ESCO1: variants seen among roughly 807,000 people sequenced by gnomAD.
The protein encoded by ESCO1 is N-acetyltransferase ESCO1.
ESCO1 carries 33 observed loss-of-function variants against 83.5 expected under a neutral mutation model. The ratio of observed to expected loss-of-function variants is 0.40; its 90% confidence interval spans 0.30 to 0.53. ESCO1 has a LOEUF of 0.53. ESCO1 is among the 20% of genes least tolerant of loss of function. The pLI is 0.63. For synonymous variants in ESCO1, 332 were observed against 324.3 expected (o/e 1.02, Z -0.25); for missense variants, 855 against 968.0 (o/e 0.88, Z 1.55).
At chr18:21,581,237 C>T (rs1385290667) in intron 2 of ESCO1, among the ~76,000 whole-genome samples, 1 of 151,322 alleles carries the variant, frequency 6.6e-6, no homozygotes, top group African/African-American at 2.4e-5. Flanking sequence ...AGGAGAATGG[C>T]GTGAACTCAG....
intron 2 of ESCO1, among the ~76,000 whole-genome samples, chr18:21,576,192 A>C (rs190769499): frequency 6.6e-6 from 1 of 151,466 alleles, no homozygotes; most frequent in African/African-American, 2.4e-5. Context: ...ACCCTACTGG[A>C]AAAAAAAAGC....
At chr18:21,532,693 G>C (rs1187839443) in intron 10 of ESCO1, 33 bp from the exon 11 acceptor site, 11 of 1,597,064 alleles carry the variant, frequency 6.9e-6, no homozygotes, top group Non-Finnish European at 8.5e-6. Flanking sequence ...AAAAATTTAA[G>C]TGAGATTATT....
chr18:21,566,177 T>C lies in ESCO1; in HGVS notation c.1675A>G (p.Ser559Gly), dbSNP rs1568103229. Residue 559 changes from serine to glycine, a missense_variant, in exon 6 of 12, where the codon AGT becomes GGT. By Grantham distance (56) the Ser-to-Gly change is moderately conservative. Around this residue, in one of 2 missense-constraint regions of ESCO1, gnomAD observed 726 missense variants for 699.5 expected, o/e 1.04. Transcript: ENST00000269214. ...TCACTGCTTTTAGATGTCTGGTTAC[T>C]GAGAATACTATGCTGTTGGGGAGCT... ...GSAPQQHSIL[S>G]NQTSKSSDNR... The C allele has an allele frequency of 1.2e-6, 2 of 1,613,330 alleles. No homozygotes were observed. Among genetic ancestry groups the C allele is most frequent in the East Asian group, 2.2e-5 (1 of 44,770 alleles).
At chr18:21,585,006 G>T (rs558416359) in intron 1 of ESCO1, among the ~76,000 whole-genome samples, 4 of 152,052 alleles carry the variant, frequency 2.6e-5, no homozygotes, top group African/African-American at 4.8e-5. Flanking sequence ...GCCAGGTGTG[G>T]TGGCGGGTGC....
chr18:21,543,705 AT>A (rs1350230121), intron 8 of ESCO1, among the ~76,000 whole-genome samples: 2 of 152,228 alleles, frequency 1.3e-5, no homozygotes, highest in Non-Finnish European at 2.9e-5. Context: ...TTGAAGGAAT[AT>A]TTGAAGAAAT....
intron 2 of ESCO1, among the ~76,000 whole-genome samples, chr18:21,583,281 G>A (rs940558030): frequency 5.3e-5 from 8 of 151,992 alleles, no homozygotes; most frequent in African/African-American, 1.9e-4. Context: ...ACACAAAAGA[G>A]TACATACTGT....
chr18:21,562,098 T>C (rs1380883674), intron 7 of ESCO1, among the ~76,000 whole-genome samples: 1 of 149,972 alleles, frequency 6.7e-6, no homozygotes, highest in East Asian at 2.0e-4. Context: ...CAGGCTGGTC[T>C]CAAACTCCTG....
chr18:21,544,971 G>A (rs902139976), intron 8 of ESCO1, among the ~76,000 whole-genome samples: 2 of 152,252 alleles, frequency 1.3e-5, no homozygotes, highest in East Asian at 1.9e-4. Flanking sequence ...CCTGAAGTGT[G>A]ATAAAGCAGT....
At chr18:21,577,786 T>C (rs935058480) in intron 2 of ESCO1, among the ~76,000 whole-genome samples, 2 of 151,890 alleles carry the variant, frequency 1.3e-5, no homozygotes, top group African/African-American at 4.8e-5. Context: ...ACAGGCACAG[T>C]TGAGGATGGA....
Position 21,574,417 on chromosome 18 carries a change from C to G in ESCO1, c.427G>C (p.Gly143Arg). ...RRSLRSREIQ[G>R]QVQAVKQSLP... ...CTCTGTTTAACTGCTTGAACTTGAC[C>G]CTGAATTTCTCTACTGCGTAACGAC... is the stretch of plus-strand genomic sequence containing the variant. Residue 143 changes from glycine to arginine, a missense_variant, in exon 4 of 12, where the codon GGT becomes CGT. Gly to Arg is a moderately radical substitution (Grantham distance 125). Coordinates refer to ENST00000269214, the MANE Select transcript of ESCO1 (RefSeq NM_052911.3). 6.2e-7 allele frequency: 1 copy of G among 1,613,976 alleles called. No homozygotes were observed. The highest frequency in any genetic ancestry group is 8.5e-7 in the Non-Finnish European group (1 of 1,180,008).
intron 8 of ESCO1, among the ~76,000 whole-genome samples, chr18:21,548,207 G>C (rs996130975): frequency 2.6e-5 from 4 of 152,088 alleles, no homozygotes; most frequent in Non-Finnish European, 2.9e-5. Context: ...AAAAAATATA[G>C]GAAGGCCAGG....
At chr18:21,542,077 C>A (rs2037914867) in intron 8 of ESCO1, among the ~76,000 whole-genome samples, 2 of 152,050 alleles carry the variant, frequency 1.3e-5, no homozygotes, top group African/African-American at 2.4e-5. Context: ...TAAATAGTAC[C>A]TTTTTTTCAT....
chr18:21,586,639 T>C (rs1335554545), intron 1 of ESCO1, among the ~76,000 whole-genome samples: 1 of 152,242 alleles, frequency 6.6e-6, no homozygotes, highest in East Asian at 1.9e-4. Context: ...ATAGGTTTTT[T>C]TGTGTGAATT....
At chr18:21,578,182 T>C (rs753803483) in intron 2 of ESCO1, among the ~76,000 whole-genome samples, 4 of 151,186 alleles carry the variant, frequency 2.6e-5, no homozygotes, top group Non-Finnish European at 5.9e-5. Flanking sequence ...AGCCTTAATA[T>C]GAAGAAAAAA....
intron 11 of ESCO1, among the ~76,000 whole-genome samples, chr18:21,532,240 A>G (rs2037776403): frequency 6.6e-6 from 1 of 152,228 alleles, no homozygotes; most frequent in Non-Finnish European, 1.5e-5. Flanking sequence ...ACAAATAAGT[A>G]AGTCGAAACA....
intron 2 of ESCO1, among the ~76,000 whole-genome samples, chr18:21,579,553 C>T (rs1373339786): frequency 3.3e-5 from 5 of 151,642 alleles, no homozygotes; most frequent in Non-Finnish European, 7.4e-5. Context: ...AGGTGAATCA[C>T]GAGGTCAGGA....
chr18:21,571,063 T>A (rs2038334813), intron 4 of ESCO1, among the ~76,000 whole-genome samples: 1 of 152,208 alleles, frequency 6.6e-6, no homozygotes. Flanking sequence ...TTTTTTTAAA[T>A]GTTAACTTTT....
chr18:21,546,258 T>C (rs1445384911), intron 8 of ESCO1, among the ~76,000 whole-genome samples: 1 of 151,846 alleles, frequency 6.6e-6, no homozygotes, highest in Non-Finnish European at 1.5e-5. Flanking sequence ...ATAAAACAGA[T>C]ACAAAAACAG....
intron 8 of ESCO1, 107 bp downstream of exon 8, chr18:21,560,752 C>T: frequency 7.2e-7 from 1 of 1,396,374 alleles, no homozygotes; most frequent in Non-Finnish European, 9.6e-7. Context: ...ATTATTATCT[C>T]TTAAAAACAT....
Sources: gnomAD v4.1 joint callset for allele counts (sites outside exome capture counted in the v4.1 genomes callset) on GRCh38, gnomAD v4.1.1 for gene constraint, gnomAD v4.1.1 regional missense constraint, MANE v1.5 for transcripts, NCBI Gene and HGNC (gene_info 2026-07-23, HGNC 2026-07-21) for gene names.